Variants in ADIPOR2 observed in about 807,000 individuals in gnomAD.
ADIPOR2 encodes the protein adiponectin receptor 2, also known as adiponectin receptor protein 2.
Under a neutral mutation model 40.9 loss-of-function variants are expected in ADIPOR2, and 18 were observed. That is an observed-to-expected ratio of 0.44 (90% CI 0.30 to 0.65). The LOEUF is 0.65. Ranked by LOEUF, ADIPOR2 falls within the 30% of genes least tolerant of loss-of-function variation. The pLI, the probability that ADIPOR2 is intolerant of heterozygous loss-of-function variation, is 0.09. For synonymous variants in ADIPOR2, 165 were observed against 166.4 expected (o/e 0.99, Z 0.06); for missense variants, 283 against 479.2 (o/e 0.59, Z 3.82).
intron 2 of ADIPOR2, among the ~76,000 whole-genome samples, chr12:1,760,073 C>G (rs925606932): frequency 3.3e-5 from 5 of 149,972 alleles, no homozygotes; most frequent in South Asian, 4.2e-4. Flanking sequence ...AACCTCCTTC[C>G]CGTAGGAGAT....
chr12:1,748,520 T>C (rs1283438413), intron 1 of ADIPOR2, among the ~76,000 whole-genome samples: 1 of 152,114 alleles, frequency 6.6e-6, no homozygotes, highest in African/African-American at 2.4e-5. Context: ...AGTGCTGGGA[T>C]TACAGGCGTG....
intron 6 of ADIPOR2, among the ~76,000 whole-genome samples, chr12:1,782,642 T>C (rs968467436): frequency 7.9e-5 from 12 of 152,370 alleles, no homozygotes; most frequent in African/African-American, 2.9e-4. Flanking sequence ...TACAGTCTGA[T>C]ATTTTAAATT....
At chr12:1,775,572 A>T (rs916442067) in intron 3 of ADIPOR2, among the ~76,000 whole-genome samples, 1 of 152,252 alleles carries the variant, frequency 6.6e-6, no homozygotes, top group Non-Finnish European at 1.5e-5. Flanking sequence ...GGGGTAGCAG[A>T]GTAGCAGTTT....
chr12:1,701,570 A>G (rs550134759), intron 1 of ADIPOR2, among the ~76,000 whole-genome samples: 56 of 152,272 alleles, frequency 3.7e-4, no homozygotes, highest in African/African-American at 1.3e-3. Flanking sequence ...TTTTTGATTT[A>G]TATGAAACTG....
intron 1 of ADIPOR2, 76 bp from the exon 2 acceptor site, chr12:1,754,182 T>C (rs1862062847): frequency 5.4e-6 from 3 of 552,978 alleles, no homozygotes; most frequent in Non-Finnish European, 8.8e-6. Flanking sequence ...TTCTGTCGTT[T>C]GGATATGTGA....
chr12:1,701,117 T>C (rs572370200), intron 1 of ADIPOR2, among the ~76,000 whole-genome samples: 1 of 149,358 alleles, frequency 6.7e-6, no homozygotes, highest in East Asian at 2.0e-4. Flanking sequence ...ATTCTGAGTA[T>C]GGTGTTGATC....
chr12:1,761,870 A>C (rs1288160281), intron 2 of ADIPOR2, among the ~76,000 whole-genome samples: 1 of 152,210 alleles, frequency 6.6e-6, no homozygotes, highest in Non-Finnish European at 1.5e-5. Context: ...AGAGCTCTTA[A>C]AAATATAAAG....
chr12:1,730,155 C>T (rs577598156), intron 1 of ADIPOR2, among the ~76,000 whole-genome samples: 3 of 151,702 alleles, frequency 2.0e-5, no homozygotes, highest in South Asian at 4.2e-4. Context: ...TCTTAGGCAT[C>T]TCAAGAGATA....
chr12:1,777,382 C>CTTT (rs59141974), intron 3 of ADIPOR2, among the ~76,000 whole-genome samples: 82 of 98,684 alleles, frequency 8.3e-4, no homozygotes, highest in East Asian at 2.2e-3. Flanking sequence ...TTTTTTCTTT[C>CTTT]TTTTTTTTTT....
chr12:1,760,125 A>AT lies in ADIPOR2; in HGVS notation c.171+5619dup, dbSNP rs199617563. The stretch of plus-strand genomic sequence containing the variant: ...TAAACAAAACCCAAACCAGTGCCTA[A>AT]TTTTTTTTGATATTTATTTATTTTA... On this transcript the variant is annotated intron_variant, in intron 2 of 7. Transcript: ENST00000357103. Among the ~76,000 whole-genome samples, 38 of 151,916 alleles carry AT rather than the reference A, an allele frequency of 2.5e-4. 2 individuals are homozygous for AT. The East Asian group carries it at 7.1e-3, about 29-fold the overall frequency.
At chr12:1,781,757 G>A (rs1026415188) in intron 6 of ADIPOR2, among the ~76,000 whole-genome samples, 14 of 152,046 alleles carry the variant, frequency 9.2e-5, no homozygotes, top group African/African-American at 2.4e-4. Flanking sequence ...TTTTCCTTTC[G>A]TCCTTAAACC....
chr12:1,722,895 A>G (rs1007259054), intron 1 of ADIPOR2, among the ~76,000 whole-genome samples: 1 of 152,222 alleles, frequency 6.6e-6, no homozygotes, highest in African/African-American at 2.4e-5. Flanking sequence ...CTGTAGATGC[A>G]GAGTATTTTT....
At chr12:1,785,869 C>T (rs138917773) in intron 7 of ADIPOR2, 75 bp from the exon 8 acceptor site, 10 of 1,560,006 alleles carry the variant, frequency 6.4e-6, no homozygotes, top group South Asian at 2.4e-5. Context: ...CAGGATTAAA[C>T]GATCCTAAGA....
intron 1 of ADIPOR2, among the ~76,000 whole-genome samples, chr12:1,701,567 T>C (rs1429917742): frequency 1.3e-5 from 2 of 152,232 alleles, no homozygotes; most frequent in Non-Finnish European, 2.9e-5. Flanking sequence ...ATTTTTTTGA[T>C]TTATATGAAA....
intron 2 of ADIPOR2, chr12:1,757,768 G>A: frequency 1.8e-6 from 2 of 1,100,696 alleles, no homozygotes; most frequent in South Asian, 1.2e-5. Flanking sequence ...GAATCCAGCA[G>A]GGTAGGTTAT....
At chr12:1,736,740 G>A (rs1286283107) in intron 1 of ADIPOR2, among the ~76,000 whole-genome samples, 6 of 152,270 alleles carry the variant, frequency 3.9e-5, no homozygotes, top group South Asian at 2.1e-4. Flanking sequence ...GCTTTCTCTT[G>A]TGGGCATTTA....
chr12:1,783,399 CTTT>C (rs35800138), intron 6 of ADIPOR2, among the ~76,000 whole-genome samples: 2 of 132,542 alleles, frequency 1.5e-5, no homozygotes, highest in Non-Finnish European at 3.2e-5. Context: ...AGGCTCATTG[CTTT>C]TTTTTTTTTT....
At chr12:1,710,858 A>G (rs531079599) in intron 1 of ADIPOR2, among the ~76,000 whole-genome samples, 16 of 152,078 alleles carry the variant, frequency 1.1e-4, no homozygotes, top group Non-Finnish European at 1.8e-4. Flanking sequence ...AAGACCATCT[A>G]TAGCTTGATG....
chr12:1,757,756 A>G (rs965317009), intron 2 of ADIPOR2: 75 of 1,164,956 alleles, frequency 6.4e-5, no homozygotes, highest in Middle Eastern at 4.2e-4. Context: ...GATGACATCC[A>G]TGAATCCAGC....
Sources: gnomAD v4.1 joint callset for allele counts (sites outside exome capture counted in the v4.1 genomes callset) on GRCh38, gnomAD v4.1.1 for gene constraint, MANE v1.5 for transcripts, NCBI Gene and HGNC (gene_info 2026-07-23, HGNC 2026-07-21) for gene names.